Variants in GALNT17 observed in about 807,000 individuals in gnomAD.
The protein encoded by GALNT17 is polypeptide N-acetylgalactosaminyltransferase 17.
In GALNT17, 29 loss-of-function variants were observed where a neutral mutation model predicts 63.7. The ratio of observed to expected loss-of-function variants is 0.46; its 90% CI spans 0.34 to 0.62. The LOEUF is 0.62. Ranked by LOEUF, GALNT17 falls within the 20% of genes least tolerant of loss-of-function variation. The probability of loss-of-function intolerance (pLI) is 0.01; values close to 1 mark genes in which losing one functional copy is unlikely to be tolerated. For missense variants in GALNT17, 603 were observed against 799.6 expected, an observed-to-expected ratio of 0.75 and a Z score of 2.97; for synonymous variants, 305 against 318.3, an observed-to-expected ratio of 0.96 and a Z score of 0.45.
In GALNT17 at chr7:71,335,530, T is replaced by A. The variant is rs767098238; in HGVS notation, c.239-20T>A. ...GTATGGTGGTTTTCTAATAATTCTT[T>A]TTTCTCCCACTTTTTCTAGGCTTAT... On this transcript the variant is annotated intron_variant, in intron 1 of 10. Coordinates refer to ENST00000333538, the MANE Select transcript of GALNT17 (RefSeq NM_022479.3). 4 of 1,535,204 alleles carry A rather than the reference T, an allele frequency of 2.6e-6. No individual in the cohort carries two copies. The highest frequency in any genetic ancestry group is 2.6e-6 in the Non-Finnish European group (3 of 1,142,128).
chr7:71,254,232 A>G (rs537309059), intron 1 of GALNT17, among the ~76,000 whole-genome samples: 1 of 152,310 alleles, frequency 6.6e-6, no homozygotes, highest in African/African-American at 2.4e-5. Flanking sequence ...TTGGGTTATG[A>G]TAGATTCTTG....
In GALNT17 at chr7:71,503,570, C is replaced by T. The variant is rs1052276246; in HGVS notation, c.963-67715C>T. ...TTTTCTGAGCTCCTGACCCATAGAT[C>T]CAGTTTCCTACTGGGAATTATCTCT... On this transcript the variant is annotated intron_variant, in intron 5 of 10. Transcript: ENST00000333538. 5.9e-5 allele frequency among the ~76,000 whole-genome samples: 9 copies of T among 152,204 alleles called. No individual in the cohort carries two copies. The East Asian group carries it at 1.7e-3, about 30-fold the overall frequency.
intron 1 of GALNT17, among the ~76,000 whole-genome samples, chr7:71,247,271 A>C (rs570907290): frequency 9.8e-4 from 149 of 152,352 alleles, no homozygotes; most frequent in Non-Finnish European, 1.9e-3. Context: ...TTAAAATAGT[A>C]CCATCATAGA....
intron 1 of GALNT17, among the ~76,000 whole-genome samples, chr7:71,290,406 C>T (rs1425521574): frequency 6.6e-6 from 1 of 152,106 alleles, no homozygotes; most frequent in Non-Finnish European, 1.5e-5. Flanking sequence ...TGCCGTCTTG[C>T]AGGTGGCTGA....
intron 1 of GALNT17, among the ~76,000 whole-genome samples, chr7:71,334,670 TG>T (rs1269677962): frequency 6.6e-6 from 1 of 152,232 alleles, no homozygotes; most frequent in Admixed American, 6.5e-5. Context: ...AGCTTGCAAT[TG>T]CTCAGTGAGG....
At chr7:71,668,120 T>C (rs1014123727) in intron 7 of GALNT17, among the ~76,000 whole-genome samples, 3 of 151,970 alleles carry the variant, frequency 2.0e-5, no homozygotes, top group Non-Finnish European at 2.9e-5. Context: ...CCTGGAATGG[T>C]GGTGTGACTT....
At chr7:71,212,602 CT>C (rs1200282282) in intron 1 of GALNT17, among the ~76,000 whole-genome samples, 1 of 152,112 alleles carries the variant, frequency 6.6e-6, no homozygotes, top group African/African-American at 2.4e-5. Flanking sequence ...TCAACGCTAG[CT>C]TGTGAAAGCA....
intron 5 of GALNT17, among the ~76,000 whole-genome samples, chr7:71,458,776 C>T (rs1787399767): frequency 6.6e-6 from 1 of 152,190 alleles, no homozygotes; most frequent in South Asian, 2.1e-4. Context: ...CAGCTGAACT[C>T]CTCTCCATGT....
intron 2 of GALNT17, among the ~76,000 whole-genome samples, chr7:71,353,468 A>G (rs1004435921): frequency 2.0e-5 from 3 of 152,198 alleles, no homozygotes; most frequent in Non-Finnish European, 4.4e-5. Flanking sequence ...CATGTATTAC[A>G]TTCATTTATC....
At chr7:71,553,938 G>A (rs552975254) in intron 5 of GALNT17, among the ~76,000 whole-genome samples, 1 of 152,258 alleles carries the variant, frequency 6.6e-6, no homozygotes, top group South Asian at 2.1e-4. Context: ...TGCTGCCTTG[G>A]GGCAACGAGA....
intron 2 of GALNT17, among the ~76,000 whole-genome samples, chr7:71,338,068 C>G (rs1791942105): frequency 6.6e-6 from 1 of 151,918 alleles, no homozygotes; most frequent in Non-Finnish European, 1.5e-5. Flanking sequence ...GTGCGGTGGC[C>G]TGTAATCCCA....
At chr7:71,477,470 G>C (rs1160383236) in intron 5 of GALNT17, among the ~76,000 whole-genome samples, 1 of 152,236 alleles carries the variant, frequency 6.6e-6, no homozygotes, top group African/African-American at 2.4e-5. Context: ...TTCAGCAGTT[G>C]AGGAGACGCA....
chr7:71,664,968 A>ATTAT (rs370230791), intron 6 of GALNT17, among the ~76,000 whole-genome samples: 2,466 of 151,962 alleles, frequency 0.016, 61 homozygotes, highest in African/African-American at 0.055. Context: ...TCTCATTGGC[A>ATTAT]TTATTTATTT....
At chr7:71,210,323 G>T (rs1789352854) in intron 1 of GALNT17, among the ~76,000 whole-genome samples, 1 of 152,130 alleles carries the variant, frequency 6.6e-6, no homozygotes, top group African/African-American at 2.4e-5. Context: ...GGGTGGGGAT[G>T]CAGCCAAACC....
At chr7:71,257,171 C>G (rs979043115) in intron 1 of GALNT17, among the ~76,000 whole-genome samples, 1 of 152,164 alleles carries the variant, frequency 6.6e-6, no homozygotes, top group Admixed American at 6.5e-5. Flanking sequence ...CAACTTCAAT[C>G]TGTTCTTTTT....
At chr7:71,616,260 T>C (rs6460677) in intron 6 of GALNT17, among the ~76,000 whole-genome samples, 17,166 of 151,888 alleles carry the variant, frequency 0.11, 1,141 homozygotes, top group Non-Finnish European at 0.15. Flanking sequence ...AAGCTGAACT[T>C]GAAGACAAGT....
intron 5 of GALNT17, among the ~76,000 whole-genome samples, chr7:71,543,448 C>T (rs753808145): frequency 7.2e-5 from 11 of 152,056 alleles, no homozygotes; most frequent in Non-Finnish European, 1.5e-4. Context: ...ATCTGGATTC[C>T]GAGATTTGCA....
chr7:71,663,433 T>G (rs1194942793), intron 6 of GALNT17, among the ~76,000 whole-genome samples: 2 of 152,204 alleles, frequency 1.3e-5, no homozygotes, highest in Non-Finnish European at 2.9e-5. Context: ...TTTTACTCTC[T>G]AAGACACCAG....
intron 1 of GALNT17, among the ~76,000 whole-genome samples, chr7:71,264,626 C>T (rs1790453900): frequency 6.6e-6 from 1 of 152,102 alleles, no homozygotes; most frequent in Non-Finnish European, 1.5e-5. Context: ...TGTGTATGCA[C>T]AGCAGAGTAC....
Sources: allele counts gnomAD v4.1 joint callset (sites outside exome capture counted in the v4.1 genomes callset), GRCh38; gene constraint gnomAD v4.1.1; transcripts MANE v1.5; gene names NCBI Gene and HGNC (gene_info 2026-07-23, HGNC 2026-07-21).